The following GTF2F2 variants were observed in gnomAD, a reference collection of about 807,000 sequenced individuals.
GTF2F2 encodes general transcription factor IIF subunit 2, also known as ATP-dependent helicase GTF2F2.
Under a neutral mutation model 42.2 loss-of-function variants are expected in GTF2F2, and 23 were observed. The ratio of observed to expected loss-of-function variants is 0.55; its 90% CI spans 0.39 to 0.77. GTF2F2 has a LOEUF of 0.77. GTF2F2 is among the 30% of genes least tolerant of loss of function. GTF2F2 has a pLI of 0.00. For missense variants in GTF2F2, 261 were observed against 287.2 expected (o/e 0.91, Z 0.66); for synonymous variants, 105 against 100.8 (o/e 1.04, Z -0.25).
chr13:45,229,848 A>G (rs1172172120), intron 5 of GTF2F2, among the ~76,000 whole-genome samples: 2 of 152,324 alleles, frequency 1.3e-5, no homozygotes, highest in East Asian at 1.9e-4. Context: ...CAGTTTAACA[A>G]GGAAAGTAGA....
intron 4 of GTF2F2, among the ~76,000 whole-genome samples, chr13:45,167,060 C>T (rs1871327323): frequency 6.6e-6 from 1 of 151,376 alleles, no homozygotes; most frequent in Non-Finnish European, 1.5e-5. Context: ...CTTTGAAAGA[C>T]TGCTCTGTTT....
At chr13:45,150,977 T>C (rs1870462353) in intron 3 of GTF2F2, among the ~76,000 whole-genome samples, 2 of 152,178 alleles carry the variant, frequency 1.3e-5, no homozygotes, top group African/African-American at 4.8e-5. Flanking sequence ...TTTCTTATGT[T>C]TAGTAATTTT....
At chr13:45,147,135 A>G (rs564299464) in intron 2 of GTF2F2, among the ~76,000 whole-genome samples, 1 of 152,324 alleles carries the variant, frequency 6.6e-6, no homozygotes, top group South Asian at 2.1e-4. Context: ...GCATCTAGTT[A>G]CCAAGACTGA....
chr13:45,265,557 T>C (rs1336779871), intron 6 of GTF2F2, among the ~76,000 whole-genome samples: 1 of 152,170 alleles, frequency 6.6e-6, no homozygotes, highest in Non-Finnish European at 1.5e-5. Context: ...TTCGTACATA[T>C]CAAAAAATGA....
chr13:45,263,232 T>C (rs969275558), intron 6 of GTF2F2, among the ~76,000 whole-genome samples: 2 of 145,960 alleles, frequency 1.4e-5, no homozygotes, highest in African/African-American at 5.0e-5. Flanking sequence ...TCAGACTAAA[T>C]TTTTTTTTTT....
chr13:45,251,090 T>C (rs542759924), intron 5 of GTF2F2, among the ~76,000 whole-genome samples: 1 of 152,310 alleles, frequency 6.6e-6, no homozygotes, highest in African/African-American at 2.4e-5. Context: ...ATACTGAATT[T>C]GGGGATCTTG....
At chr13:45,274,911 CA>C (rs879687807) in intron 7 of GTF2F2, among the ~76,000 whole-genome samples, 77 of 136,252 alleles carry the variant, frequency 5.7e-4, no homozygotes, top group Non-Finnish European at 4.8e-4. Flanking sequence ...GACCCTGTCT[CA>C]AAAAAAAAAA....
At chr13:45,170,085 A>G (rs1448918829) in intron 4 of GTF2F2, among the ~76,000 whole-genome samples, 2 of 152,146 alleles carry the variant, frequency 1.3e-5, no homozygotes, top group East Asian at 1.9e-4. Flanking sequence ...CTGCAGTGCT[A>G]TGATCTCAGT....
In GTF2F2 at chr13:45,250,051, CTTTTTTT is replaced by C. The variant is rs780347641; in HGVS notation, c.387-2803_387-2797del. Among the ~76,000 whole-genome samples, 400 of 100,904 alleles carry C rather than the reference CTTTTTTT, an allele frequency of 4.0e-3. 1 individual carries two copies. Among genetic ancestry groups the C allele is most frequent in the African/African-American group, 0.016 (388 of 23,658 alleles). The allele number at this position is 100,904 out of a possible 152,430, so 66.2% of individuals were successfully genotyped here. A position where few individuals can be genotyped will look rare whatever the true frequency, so the allele number is the denominator to read the frequency against. On this transcript the variant is annotated intron_variant, in intron 5 of 7. Coordinates refer to ENST00000340473, the MANE Select transcript of GTF2F2 (RefSeq NM_004128.3). ...TCCACCTAATCTTTTTGCCTTATCT[CTTTTTTT>C]TTTTTTTTTTTTTTTTGAGACAGTC... is the stretch of plus-strand genomic sequence containing the variant.
At position 45,193,595 on chromosome 13, in the gene GTF2F2, T is replaced by C. The variant is rs563956377; in HGVS notation, c.305-13829T>C. 1.5e-5 allele frequency: 8 copies of C among 534,794 alleles called. No individual in the cohort carries two copies. In the South Asian group the frequency reaches 2.4e-4, roughly 16 times the overall value. 33.1% of individuals were successfully genotyped at this position (534,794 alleles called of 1,614,324 possible). On this transcript the variant is annotated intron_variant, in intron 4 of 7. Coordinates refer to ENST00000340473, the MANE Select transcript of GTF2F2 (RefSeq NM_004128.3). ...TTTCATTTTAGGTGGAAGAGTCTGA[T>C]CAGTAGGAACACCCCAGAGGAAGGA...
intron 5 of GTF2F2, among the ~76,000 whole-genome samples, chr13:45,250,051 C>CTTTTTTTTT (rs780347641): frequency 8.9e-5 from 9 of 100,884 alleles, no homozygotes; most frequent in East Asian, 2.8e-4. Context: ...TGCCTTATCT[C>CTTTTTTTTT]TTTTTTTTTT....
intron 6 of GTF2F2, among the ~76,000 whole-genome samples, chr13:45,259,224 C>T (rs1188116524): frequency 6.6e-6 from 1 of 152,026 alleles, no homozygotes; most frequent in Non-Finnish European, 1.5e-5. Flanking sequence ...GTCAGAAGTT[C>T]GAGACCAGCC....
chr13:45,265,838 G>T (rs1047674201), intron 6 of GTF2F2, among the ~76,000 whole-genome samples: 2 of 152,152 alleles, frequency 1.3e-5, no homozygotes, highest in African/African-American at 2.4e-5. Flanking sequence ...TTCGAAGCTA[G>T]TCCCCAGATT....
intron 5 of GTF2F2, among the ~76,000 whole-genome samples, chr13:45,220,703 G>A (rs1171028873): frequency 1.3e-5 from 2 of 152,122 alleles, no homozygotes; most frequent in Admixed American, 1.3e-4. Flanking sequence ...CGGTTGGGCT[G>A]ATGGTAGTTT....
chr13:45,260,686 T>C (rs1373193052), intron 6 of GTF2F2, among the ~76,000 whole-genome samples: 1 of 152,196 alleles, frequency 6.6e-6, no homozygotes, highest in Admixed American at 6.5e-5. Context: ...AACATATATA[T>C]ACCAAATCCA....
intron 7 of GTF2F2, among the ~76,000 whole-genome samples, chr13:45,268,062 A>G (rs533446227): frequency 4.4e-4 from 67 of 152,316 alleles, no homozygotes; most frequent in Non-Finnish European, 8.5e-4. Context: ...GATAACAATA[A>G]GAAATTCAAA....
chr13:45,253,658 T>C (rs925760150), intron 6 of GTF2F2, among the ~76,000 whole-genome samples: 3 of 152,234 alleles, frequency 2.0e-5, no homozygotes, highest in Non-Finnish European at 4.4e-5. Context: ...CCTAGCACCA[T>C]CTTGCTCCAT....
intron 7 of GTF2F2, among the ~76,000 whole-genome samples, chr13:45,282,694 G>A (rs1407805268): frequency 2.6e-5 from 4 of 151,982 alleles, no homozygotes; most frequent in Non-Finnish European, 5.9e-5. Context: ...TAGTAGAGAC[G>A]GGGTTTCACC....
intron 6 of GTF2F2, 81 bp downstream of exon 6, chr13:45,253,051 C>A: frequency 1.7e-6 from 1 of 596,846 alleles, no homozygotes; most frequent in South Asian, 2.9e-5. Flanking sequence ...TTCCAAAGAA[C>A]CTGAGAATTT....
Sources: gnomAD v4.1 joint callset for allele counts (sites outside exome capture counted in the v4.1 genomes callset) on GRCh38, gnomAD v4.1.1 for gene constraint, MANE v1.5 for transcripts, NCBI Gene and HGNC (gene_info 2026-07-23, HGNC 2026-07-21) for gene names.